Variants in TOX observed in about 807,000 individuals in gnomAD.
TOX encodes thymocyte selection associated high mobility group box.
A neutral mutation model predicts 53.7 loss-of-function variants in TOX; 11 were observed. The observed-to-expected ratio is 0.20, with a 90% CI of 0.13 to 0.34. The LOEUF is 0.34. Ranked by LOEUF, TOX falls within the 10% of genes least tolerant of loss-of-function variation. The pLI is 1.00. For synonymous variants in TOX, 225 were observed against 245.3 expected (o/e 0.92, Z 0.77); for missense variants, 570 against 664.6 (o/e 0.86, Z 1.56).
chr8:58,978,953 T>G (rs527725118), intron 1 of TOX, among the ~76,000 whole-genome samples: 23 of 152,290 alleles, frequency 1.5e-4, no homozygotes, highest in African/African-American at 5.1e-4. Flanking sequence ...TGTATCTACC[T>G]CCGAAAAATG....
At chr8:58,945,832 C>T (rs2129177094) in intron 2 of TOX, among the ~76,000 whole-genome samples, 1 of 152,272 alleles carries the variant, frequency 6.6e-6, no homozygotes, top group East Asian at 1.9e-4. Flanking sequence ...GCCTTTTCTT[C>T]TCTTTTCAAA....
chr8:59,059,398 GA>G (rs1803939671), intron 1 of TOX, among the ~76,000 whole-genome samples: 1 of 151,996 alleles, frequency 6.6e-6, no homozygotes, highest in Non-Finnish European at 1.5e-5. Flanking sequence ...AAGGTAAAAA[GA>G]AGAAATATTT....
In TOX at chr8:58,892,105, T is replaced by C. The variant is rs574208920; in HGVS notation, c.412-40300A>G. On this transcript the variant is annotated intron_variant, in intron 3 of 8. Coordinates refer to ENST00000361421, the MANE Select transcript of TOX (RefSeq NM_014729.3). ...TCTGAAGAGCTTAATCATCAAGCTC[T>C]TCAGCAATTTCAACAATTGACTGTT... 5.4e-4 allele frequency among the ~76,000 whole-genome samples: 83 copies of C among 152,338 alleles called. 1 individual carries two copies. Among genetic ancestry groups the C allele is most frequent in the Admixed American group, 3.2e-3 (49 of 15,304 alleles).
chr8:58,975,209 G>T (rs1813070486), intron 1 of TOX, among the ~76,000 whole-genome samples: 1 of 150,064 alleles, frequency 6.7e-6, no homozygotes, highest in Non-Finnish European at 1.5e-5. Flanking sequence ...TAGATAATAA[G>T]TGTGTATATG....
intron 1 of TOX, among the ~76,000 whole-genome samples, chr8:58,978,566 A>C (rs771201503): frequency 2.0e-5 from 3 of 152,176 alleles, no homozygotes; most frequent in Non-Finnish European, 4.4e-5. Context: ...ACAATAGCAT[A>C]TTGGTTAGTT....
At chr8:58,845,314 T>C (rs938324059) in intron 4 of TOX, among the ~76,000 whole-genome samples, 1 of 152,148 alleles carries the variant, frequency 6.6e-6, no homozygotes, top group African/African-American at 2.4e-5. Context: ...ATAACTCTTA[T>C]CATATAAAGT....
intron 7 of TOX, among the ~76,000 whole-genome samples, chr8:58,813,773 A>G (rs1011232380): frequency 6.6e-6 from 1 of 152,242 alleles, no homozygotes; most frequent in Non-Finnish European, 1.5e-5. Flanking sequence ...GACTTCAGTA[A>G]GAAGATAAAT....
At chr8:58,923,481 A>G (rs185095337) in intron 3 of TOX, among the ~76,000 whole-genome samples, 1 of 152,304 alleles carries the variant, frequency 6.6e-6, no homozygotes, top group African/African-American at 2.4e-5. Flanking sequence ...ATACTCACTC[A>G]GTGAAACTTC....
At chr8:58,891,724 G>A (rs1446851288) in intron 3 of TOX, among the ~76,000 whole-genome samples, 13 of 152,184 alleles carry the variant, frequency 8.5e-5, no homozygotes, top group Admixed American at 6.5e-4. Flanking sequence ...GAAGCTGAGC[G>A]CTTAGAGAGA....
intron 1 of TOX, among the ~76,000 whole-genome samples, chr8:59,008,852 C>A (rs542537468): frequency 2.0e-5 from 3 of 152,302 alleles, no homozygotes; most frequent in African/African-American, 7.2e-5. Flanking sequence ...GAATTTGGCA[C>A]ACTACAAATC....
chr8:58,971,245 T>C (rs1211190256), intron 1 of TOX, among the ~76,000 whole-genome samples: 1 of 152,268 alleles, frequency 6.6e-6, no homozygotes, highest in African/African-American at 2.4e-5. Context: ...ACGACTAGAA[T>C]GGCAGACACT....
intron 2 of TOX, among the ~76,000 whole-genome samples, chr8:58,956,846 T>C (rs28600229): frequency 0.31 from 46,627 of 151,984 alleles, 8,027 homozygotes; most frequent in Non-Finnish European, 0.38. Context: ...AAACCTGACC[T>C]CAAGTGATTC....
At chr8:59,026,431 GCAGGGCA>G (rs1216020286) in intron 1 of TOX, among the ~76,000 whole-genome samples, 2 of 152,140 alleles carry the variant, frequency 1.3e-5, no homozygotes, top group Non-Finnish European at 2.9e-5. Flanking sequence ...AAAAAAGGAG[GCAGGGCA>G]CAGGGATGAG....
At chr8:58,871,026 A>C (rs1446156709) in intron 3 of TOX, among the ~76,000 whole-genome samples, 1 of 152,176 alleles carries the variant, frequency 6.6e-6, no homozygotes, top group African/African-American at 2.4e-5. Flanking sequence ...AGTAAAAAAA[A>C]GTCCTTCAAT....
Position 59,097,510 on chromosome 8 carries a change from CTG to C in TOX, c.102+21374_102+21375del, listed in dbSNP as rs1804733184. Among the ~76,000 whole-genome samples the C allele has an allele frequency of 2.6e-5, 4 of 152,186 alleles. No homozygotes were observed. In the South Asian group the frequency reaches 8.3e-4, roughly 31 times the overall value. ...TAATTTCATTTTGCAGATGGGAAAACTGTGGTACAGAAAAGAAATAAAACTCA... is the reference window on the plus strand; with the variant it reads ...TAATTTCATTTTGCAGATGGGAAAACTGGTACAGAAAAGAAATAAAACTCA... On this transcript the variant is annotated intron_variant, in intron 1 of 8. Transcript: ENST00000361421.
At chr8:59,047,666 T>G (rs74919137) in intron 1 of TOX, among the ~76,000 whole-genome samples, 2,948 of 151,952 alleles carry the variant, frequency 0.019, 93 homozygotes, top group African/African-American at 0.067. Flanking sequence ...CTCAAATTAC[T>G]GGCCTCAAGC....
intron 1 of TOX, among the ~76,000 whole-genome samples, chr8:59,097,961 C>A (rs981101022): frequency 2.6e-5 from 4 of 151,868 alleles, no homozygotes; most frequent in African/African-American, 9.7e-5. Flanking sequence ...TTTGCTTTAA[C>A]TGAGATAAAT....
chr8:58,910,614 G>A (rs879641702), intron 3 of TOX, among the ~76,000 whole-genome samples: 24 of 152,326 alleles, frequency 1.6e-4, no homozygotes, highest in African/African-American at 5.8e-4. Flanking sequence ...CTGGAATACA[G>A]TTTTGAAAGT....
chr8:59,050,090 C>T (rs1722853895), intron 1 of TOX, among the ~76,000 whole-genome samples: 1 of 152,168 alleles, frequency 6.6e-6, no homozygotes, highest in South Asian at 2.1e-4. Context: ...AACCTATTCC[C>T]TTGTGCATTT....
Sources: gnomAD v4.1 joint callset for allele counts (sites outside exome capture counted in the v4.1 genomes callset) on GRCh38, gnomAD v4.1.1 for gene constraint, MANE v1.5 for transcripts, NCBI Gene and HGNC (gene_info 2026-07-23, HGNC 2026-07-21) for gene names.